Variants in FAM117B observed in about 807,000 individuals in gnomAD.
FAM117B encodes family with sequence similarity 117 member B, also known as protein FAM117B.
A neutral mutation model predicts 52.8 loss-of-function variants in FAM117B; 22 were observed. The ratio of observed to expected loss-of-function variants is 0.42; its 90% confidence interval spans 0.30 to 0.59. FAM117B has a LOEUF of 0.59. FAM117B is among the 20% of genes least tolerant of loss of function. The pLI, the probability that FAM117B is intolerant of heterozygous loss-of-function variation, is 0.22. For synonymous variants in FAM117B, 309 were observed against 324.1 expected (o/e 0.95, Z 0.50); for missense variants, 678 against 802.6 (o/e 0.84, Z 1.88).
At chr2:202,753,078 A>T (rs1691750134) in intron 4 of FAM117B, among the ~76,000 whole-genome samples, 1 of 152,210 alleles carries the variant, frequency 6.6e-6, no homozygotes, top group Admixed American at 6.5e-5. Context: ...CTAAGCAAAA[A>T]GTACAAAGCT....
intron 4 of FAM117B, among the ~76,000 whole-genome samples, chr2:202,749,666 G>T (rs1691691798): frequency 6.6e-6 from 1 of 152,064 alleles, no homozygotes; most frequent in Non-Finnish European, 1.5e-5. Context: ...AGTGACTCAT[G>T]CTTGTAATCC....
chr2:202,740,687 T>G (rs1691519285), intron 4 of FAM117B, among the ~76,000 whole-genome samples: 1 of 152,184 alleles, frequency 6.6e-6, no homozygotes, highest in Admixed American at 6.5e-5. Flanking sequence ...TTGAGCCATA[T>G]ATGACATTCT....
Position 202,634,994 on chromosome 2 carries a change from AGCG to A in FAM117B, c.-173_-171del, listed in dbSNP as rs537447869. 0.091 allele frequency among the ~76,000 whole-genome samples: 13,479 copies of A among 147,540 alleles called. 2,018 individuals carry two copies. Among genetic ancestry groups the A allele is most frequent in the African/African-American group, 0.32 (12,573 of 39,650 alleles). ...AGAGGAGACACTATTGTTGATGAGG[AGCG>A]GCGGCGGCGGCGGCGGCGGCTGCAC... On this transcript the variant is annotated 5_prime_UTR_variant, in exon 1 of 8. Coordinates refer to ENST00000392238, the MANE Select transcript of FAM117B (RefSeq NM_173511.4).
intron 2 of FAM117B, among the ~76,000 whole-genome samples, chr2:202,708,313 T>C (rs932375788): frequency 1.3e-5 from 2 of 152,244 alleles, no homozygotes; most frequent in African/African-American, 2.4e-5. Flanking sequence ...AGTTGAATCA[T>C]GCAGTATTTG....
At chr2:202,720,222 T>C (rs186289449) in intron 2 of FAM117B, among the ~76,000 whole-genome samples, 41 of 152,270 alleles carry the variant, frequency 2.7e-4, no homozygotes, top group African/African-American at 9.9e-4. Context: ...TCTAATACTT[T>C]CTAATGGAGG....
Position 202,755,529 on chromosome 2 carries a change from T to G in FAM117B, c.961-9T>G. On this transcript the variant is annotated splice_polypyrimidine_tract_variant and intron_variant, in intron 4 of 7. Coordinates refer to ENST00000392238, the MANE Select transcript of FAM117B (RefSeq NM_173511.4). ...GTTAAGCCTCTCTTCTCCATCCCAT[T>G]TTCTTAAGGCTCCTGTTCCAAAGAG... 6.2e-7 allele frequency: 1 copy of G among 1,612,882 alleles called. No homozygotes were observed. The highest frequency in any genetic ancestry group is 8.5e-7 in the Non-Finnish European group (1 of 1,179,502).
intron 2 of FAM117B, among the ~76,000 whole-genome samples, chr2:202,703,866 G>A (rs555111830): frequency 6.6e-6 from 1 of 152,238 alleles, no homozygotes; most frequent in East Asian, 1.9e-4. Flanking sequence ...ATGATAATTC[G>A]ATGTTTAGTT....
chr2:202,735,050 A>G (rs1369349878), intron 4 of FAM117B, among the ~76,000 whole-genome samples: 2 of 152,090 alleles, frequency 1.3e-5, no homozygotes, highest in African/African-American at 4.8e-5. Flanking sequence ...AGAGCATATT[A>G]TATGTTAGAT....
chr2:202,689,408 A>G (rs1393065751), intron 1 of FAM117B, among the ~76,000 whole-genome samples: 1 of 152,120 alleles, frequency 6.6e-6, no homozygotes, highest in African/African-American at 2.4e-5. Flanking sequence ...ATGCCACTGC[A>G]CTCCAGCCTG....
intron 1 of FAM117B, among the ~76,000 whole-genome samples, chr2:202,662,000 C>T (rs568748674): frequency 7.7e-4 from 117 of 151,566 alleles, no homozygotes; most frequent in African/African-American, 2.6e-3. Context: ...ATCAGTATGT[C>T]GAAGAGATAC....
At chr2:202,709,188 T>TC (rs932177737) in intron 2 of FAM117B, among the ~76,000 whole-genome samples, 1 of 152,030 alleles carries the variant, frequency 6.6e-6, no homozygotes, top group African/African-American at 2.4e-5. Flanking sequence ...CTTTTTTTTT[T>TC]CCCCAAGTCC....
At position 202,739,434 on chromosome 2, in the gene FAM117B, T is replaced by TCCCTC. The variant is rs533372090; in HGVS notation, c.960+13089_960+13093dup. 3.0e-4 allele frequency among the ~76,000 whole-genome samples: 45 copies of TCCCTC among 147,748 alleles called. 2 individuals are homozygous for TCCCTC. Among genetic ancestry groups the TCCCTC allele is most frequent in the Non-Finnish European group, 1.3e-4 (9 of 66,874 alleles). The stretch of plus-strand genomic sequence containing the variant: ...GTCTTCCTGTCTGTCTGTCTGTCCT[T>TCCCTC]CCCTCCCCTCCCCTCCCCTCCCTCC... On this transcript the variant is annotated intron_variant, in intron 4 of 7. Transcript: ENST00000392238.
At chr2:202,728,529 A>G (rs1041071014) in intron 4 of FAM117B, among the ~76,000 whole-genome samples, 2 of 152,146 alleles carry the variant, frequency 1.3e-5, no homozygotes, top group Admixed American at 6.5e-5. Context: ...GACCCAGATG[A>G]TTTTACAGAT....
rs1689665528 is a variant in FAM117B, at chr2:202,635,461, A to G, written c.274A>G (p.Thr92Ala). The G allele has an allele frequency of 2.7e-6, 3 of 1,116,676 alleles. No homozygotes were observed. Among genetic ancestry groups the G allele is most frequent in the Non-Finnish European group, 3.3e-6 (3 of 917,518 alleles). The allele number at this position is 1,116,676 out of a possible 1,614,324, so 69.2% of individuals were successfully genotyped here. A position where few individuals can be genotyped will look rare whatever the true frequency, so the allele number is the denominator to read the frequency against. The part of the protein sequence containing the change: ...GGGPRTASRS[T>A]SPTRGGGNAA... ...TGGCCCGCGCACCGCCTCGCGCAGC[A>G]CCAGCCCCACGCGCGGCGGCGGGAA... The change falls in exon 1 of 8, where the codon ACC becomes GCC. Residue 92 changes from threonine to alanine, a missense_variant. This residue lies in a region of FAM117B where 583 missense variants were observed against 644.8 expected (regional missense o/e 0.90). Coordinates refer to ENST00000392238, the MANE Select transcript of FAM117B (RefSeq NM_173511.4).
Position 202,664,104 on chromosome 2 carries a change from T to C in FAM117B, c.601+28316T>C, listed in dbSNP as rs189232596. ...TTTATATGCAAATAATACATTCCAG[T>C]TCATTTATATACTTCTGTGCATTTT... On this transcript the variant is annotated intron_variant, in intron 1 of 7. Coordinates refer to ENST00000392238, the MANE Select transcript of FAM117B (RefSeq NM_173511.4). 3.9e-5 allele frequency among the ~76,000 whole-genome samples: 6 copies of C among 152,364 alleles called. No homozygotes were observed. The East Asian group carries it at 1.2e-3, about 29-fold the overall frequency.
chr2:202,715,773 G>A (rs1036200059), intron 2 of FAM117B, among the ~76,000 whole-genome samples: 11 of 152,256 alleles, frequency 7.2e-5, no homozygotes, highest in Non-Finnish European at 1.0e-4. Context: ...TCAGGCCACC[G>A]CACTCCAGCC....
chr2:202,700,849 A>G (rs1690786394), intron 2 of FAM117B, among the ~76,000 whole-genome samples: 1 of 152,088 alleles, frequency 6.6e-6, no homozygotes, highest in Non-Finnish European at 1.5e-5. Flanking sequence ...ACACACTGAC[A>G]TGCTTGTATT....
intron 4 of FAM117B, among the ~76,000 whole-genome samples, chr2:202,735,397 G>A (rs536907242): frequency 6.6e-6 from 1 of 152,296 alleles, no homozygotes; most frequent in Non-Finnish European, 1.5e-5. Context: ...CAGTATTGCT[G>A]TTAGGATAGT....
intron 1 of FAM117B, among the ~76,000 whole-genome samples, chr2:202,650,492 G>A (rs923231574): frequency 6.6e-6 from 1 of 152,128 alleles, no homozygotes; most frequent in African/African-American, 2.4e-5. Context: ...GTTATCTAGA[G>A]GAACTGAACT....
Sources: gnomAD v4.1 joint callset for allele counts (sites outside exome capture counted in the v4.1 genomes callset) on GRCh38, gnomAD v4.1.1 for gene constraint, gnomAD v4.1.1 regional missense constraint, MANE v1.5 for transcripts, NCBI Gene and HGNC (gene_info 2026-07-23, HGNC 2026-07-21) for gene names.